The following COL2A1 variants were observed in gnomAD, a reference collection of about 807,000 sequenced individuals.
COL2A1 encodes collagen type II alpha 1 chain.
A neutral mutation model predicts 204.5 loss-of-function variants in COL2A1; 28 were observed. The observed-to-expected ratio is 0.14, with a 90% CI of 0.10 to 0.19. The LOEUF (loss-of-function observed/expected upper bound fraction) is 0.19. Ranked by LOEUF, COL2A1 falls within the 10% of genes least tolerant of loss-of-function variation. The probability of loss-of-function intolerance (pLI) is 1.00; values close to 1 mark genes in which losing one functional copy is unlikely to be tolerated. For missense variants in COL2A1, 1,388 were observed against 2,027.5 expected, an observed-to-expected ratio of 0.68 and a Z score of 6.06; for synonymous variants, 708 against 718.7, an observed-to-expected ratio of 0.99 and a Z score of 0.24.
intron 33 of COL2A1, 32 bp downstream of exon 33, chr12:47,982,816 C>A: frequency 2.3e-5 from 36 of 1,581,408 alleles, no homozygotes; most frequent in Middle Eastern, 1.7e-4. Flanking sequence ...CAGGCTACCA[C>A]GAAGACCCCT....
intron 28 of COL2A1, 21 bp downstream of exon 28, chr12:47,984,525 G>C: frequency 1.9e-6 from 3 of 1,613,744 alleles, no homozygotes; most frequent in Non-Finnish European, 2.5e-6. Context: ...CAAGTCATGG[G>C]CAGCGGGGAA....
At chr12:47,994,071 C>G in intron 12 of COL2A1, 24 bp from the exon 13 acceptor site, 7 of 1,613,782 alleles carry the variant, frequency 4.3e-6, no homozygotes, top group Non-Finnish European at 5.9e-6. Flanking sequence ...TGGAGGTGTT[C>G]AGAGCACAGA....
chr12:47,996,197 G>A (rs573945869), intron 8 of COL2A1, among the ~76,000 whole-genome samples: 1 of 152,364 alleles, frequency 6.6e-6, no homozygotes, highest in East Asian at 1.9e-4. Context: ...CCAAGTCAGA[G>A]CTGCGGGCTG....
intron 2 of COL2A1, among the ~76,000 whole-genome samples, chr12:47,999,142 AG>A (rs531127045): frequency 6.6e-6 from 1 of 152,210 alleles, no homozygotes; most frequent in Non-Finnish European, 1.5e-5. Context: ...GGACAGCAAG[AG>A]CTACCCAAAA....
chr12:47,992,069 T>C (rs1031504674), intron 16 of COL2A1, among the ~76,000 whole-genome samples: 1 of 152,202 alleles, frequency 6.6e-6, no homozygotes, highest in African/African-American at 2.4e-5. Context: ...GTTGGGGGTA[T>C]GAAATCAGCA....
Position 47,985,607 on chromosome 12 carries a change from G to T in COL2A1, c.1681-20C>A. On this transcript the variant is annotated intron_variant, in intron 25 of 53. Coordinates refer to ENST00000380518, the MANE Select transcript of COL2A1 (RefSeq NM_001844.5). ...GAGACCCTTTGTTCAGGAGAGAGAA[G>T]AGGGTGGGGTCAGGAGCCGGCCCCA... The T allele has an allele frequency of 6.2e-7, 1 of 1,613,904 alleles. No individual in the cohort carries two copies. The highest frequency in any genetic ancestry group is 1.1e-5 in the South Asian group (1 of 91,082).
rs925117664 is a variant in COL2A1, at chr12:47,987,990, C to T, written c.1123-281G>A. 1.3e-5 allele frequency among the ~76,000 whole-genome samples: 2 copies of T among 152,216 alleles called. No individual in the cohort carries two copies. Among genetic ancestry groups the T allele is most frequent in the Non-Finnish European group, 2.9e-5 (2 of 68,036 alleles). On this transcript the variant is annotated intron_variant, in intron 18 of 53. Coordinates refer to ENST00000380518, the MANE Select transcript of COL2A1 (RefSeq NM_001844.5). The surrounding 1 kb of genome is among the most constrained non-coding windows in gnomAD (Gnocchi z 4.1). ...CATGCCACGGCACAGCTACATACTA[C>T]AGCAATGGGCAACCTGCTGTTCCAT... is the stretch of plus-strand genomic sequence containing the variant.
At chr12:47,985,864 G>A in intron 24 of COL2A1, 38 bp from the exon 25 acceptor site, 1 of 1,580,714 alleles carries the variant, frequency 6.3e-7, no homozygotes, top group Non-Finnish European at 8.6e-7. Flanking sequence ...GATACCATGT[G>A]ACCTCAGCGA....
intron 45 of COL2A1, 48 bp downstream of exon 45, chr12:47,977,552 G>T (rs1393624286): frequency 1.2e-6 from 2 of 1,611,086 alleles, no homozygotes; most frequent in Non-Finnish European, 1.7e-6. Context: ...TCAGGCCCGA[G>T]GCAATGTCCT....
In COL2A1 at chr12:47,987,961, T is replaced by A. The variant is rs1241672446; in HGVS notation, c.1123-252A>T. 2.6e-5 allele frequency among the ~76,000 whole-genome samples: 4 copies of A among 152,106 alleles called. No homozygotes were observed. In the South Asian group the frequency reaches 8.3e-4, roughly 32 times the overall value. On this transcript the variant is annotated intron_variant, in intron 18 of 53. Coordinates refer to ENST00000380518, the MANE Select transcript of COL2A1 (RefSeq NM_001844.5). This position sits in a 1 kb window ranked among gnomAD's most constrained non-coding sequence, Gnocchi z 4.1. ...TTACCTCATCTCTACACAGTGAGCCTCCACATGCCACGGCACAGCTACATA... is the reference window on the plus strand; with the variant it reads ...TTACCTCATCTCTACACAGTGAGCCACCACATGCCACGGCACAGCTACATA...
At chr12:47,992,967 G>T in intron 15 of COL2A1, 36 bp from the exon 16 acceptor site, 1 of 1,608,194 alleles carries the variant, frequency 6.2e-7, no homozygotes, top group South Asian at 1.1e-5. Flanking sequence ...AGCATGAGTT[G>T]GCTTTACGGT....
At chr12:47,989,172 G>A in intron 18 of COL2A1, 56 bp downstream of exon 18, 2 of 1,466,926 alleles carry the variant, frequency 1.4e-6, no homozygotes, top group Admixed American at 3.7e-5. Flanking sequence ...AGGGTTACGG[G>A]GAAAGGACAG....
Position 47,982,604 on chromosome 12 carries a change from T to C in COL2A1, c.2199A>G (p.Ala733=). The C allele has an allele frequency of 6.2e-7, 1 of 1,610,954 alleles. No homozygotes were observed. The highest frequency in any genetic ancestry group is 8.5e-7 in the Non-Finnish European group (1 of 1,178,032). The change falls in exon 34 of 54, where the codon GCA becomes GCG. Residue 733 remains alanine, a synonymous_variant. Coordinates refer to ENST00000380518, the MANE Select transcript of COL2A1 (RefSeq NM_001844.5). The part of the protein sequence containing the change: ...GTPGTDGPKG[A]SGPAGPPGAQ... ...CCCCAGGGGGGCCTGCTGGGCCAGA[T>C]GCACCCTGGGGAGGGAGGTAAGAGG... is the stretch of plus-strand genomic sequence containing the variant.
chr12:47,995,619 G>A, intron 10 of COL2A1, 91 bp downstream of exon 10: 1 of 1,291,340 alleles, frequency 7.7e-7, no homozygotes, highest in Non-Finnish European at 1.1e-6. Flanking sequence ...GAAAGAGCTG[G>A]GCAGAGCCTG....
At position 47,975,582 on chromosome 12, in the gene COL2A1, G is replaced by A. The variant is rs749799630; in HGVS notation, c.3621C>T (p.Pro1207=). 5 of 1,601,084 alleles carry A rather than the reference G, an allele frequency of 3.1e-6. No individual in the cohort carries two copies. The highest frequency in any genetic ancestry group is 3.4e-6 in the Non-Finnish European group (4 of 1,179,924). ...GPAGPPGNPG[P]PGPPGPPGPG... ...GGCCAGGGGGACCTGGAGGACCAGG[G>A]GGTCCAGGATTTCCAGGAGGACCCT... The change falls in exon 51 of 54, where the codon CCC becomes CCT. Residue 1207 remains proline (P), a synonymous_variant. Transcript: ENST00000380518.
rs1160327356 is a variant in COL2A1, at chr12:47,978,838, G to T, written c.2734-80C>A. ...CTGCCAAAGTCACTGTGGCCTCAGTGACAGCAGTTTCCTCTCTGGGGGCTT... is the reference window on the plus strand; with the variant it reads ...CTGCCAAAGTCACTGTGGCCTCAGTTACAGCAGTTTCCTCTCTGGGGGCTT... On this transcript the variant is annotated intron_variant, in intron 41 of 53. Transcript: ENST00000380518. This position sits in a 1 kb window ranked among gnomAD's most constrained non-coding sequence, Gnocchi z 5.5. The T allele has an allele frequency of 1.3e-6, 2 of 1,496,698 alleles. No homozygotes were observed. Among genetic ancestry groups the T allele is most frequent in the Non-Finnish European group, 1.9e-6 (2 of 1,080,092 alleles). The allele number at this position is 1,496,698 out of a possible 1,614,324, so 92.7% of individuals were successfully genotyped here.
rs958845316 is a variant in COL2A1 at position 48,004,428 on chromosome 12, T to C, written c.-107A>G. ...ACCGCGCCCTCATGCAGGAGGCCCTTGGAGCAGGAGGGGGAAGCGGGAGAC... is the reference window on the plus strand; with the variant it reads ...ACCGCGCCCTCATGCAGGAGGCCCTCGGAGCAGGAGGGGGAAGCGGGAGAC... On this transcript the variant is annotated 5_prime_UTR_variant, in exon 1 of 54. Transcript: ENST00000380518. The C allele has an allele frequency of 3.4e-5, 22 of 644,110 alleles. No homozygotes were observed. The highest frequency in any genetic ancestry group is 5.5e-5 in the Non-Finnish European group (20 of 364,090). 39.9% of individuals were successfully genotyped at this position (644,110 alleles called of 1,614,324 possible).
chr12:47,997,475 G>T, intron 7 of COL2A1, 131 bp downstream of exon 7: 1 of 1,524,188 alleles, frequency 6.6e-7, no homozygotes, highest in Non-Finnish European at 9.1e-7. Flanking sequence ...AGGCCTGAGG[G>T]CAAAGCCCAT....
chr12:47,996,430 C>G (rs1939964986), intron 8 of COL2A1, 118 bp downstream of exon 8: 2 of 903,846 alleles, frequency 2.2e-6, no homozygotes, highest in Non-Finnish European at 3.7e-6. Context: ...GGTTACATAA[C>G]TACGGAGGAG....
Sources: gnomAD v4.1 joint callset for allele counts (sites outside exome capture counted in the v4.1 genomes callset) on GRCh38, gnomAD v4.1.1 for gene constraint, Gnocchi (gnomAD v3.1) non-coding constraint, MANE v1.5 for transcripts, NCBI Gene and HGNC (gene_info 2026-07-23, HGNC 2026-07-21) for gene names.